Variants in LINGO2 observed in about 807,000 individuals in gnomAD.
LINGO2 encodes the protein leucine rich repeat and Ig domain containing 2.
In LINGO2, 14 loss-of-function variants were observed where a neutral mutation model predicts 30.6. The ratio of observed to expected loss-of-function variants is 0.46; its 90% CI spans 0.30 to 0.72. The LOEUF is 0.72. Among genes scored for constraint, LINGO2 ranks in the 30% least tolerant of loss-of-function variants. The probability of loss-of-function intolerance (pLI) is 0.07; values close to 1 mark genes in which losing one functional copy is unlikely to be tolerated. For synonymous variants in LINGO2, 317 were observed against 288.5 expected, an observed-to-expected ratio of 1.10 and a Z score of -1.00; for missense variants, 729 against 751.7, an observed-to-expected ratio of 0.97 and a Z score of 0.35.
At chr9:29,100,069 A>G in the LINGO2 span, among the ~76,000 whole-genome samples, 46 of 152,230 alleles carry the variant, frequency 3.0e-4, 1 homozygote, top group African/African-American at 1.1e-3. Context: ...AGATCCTGTC[A>G]TTTGCAACAA....
chr9:28,301,156 G>C (rs1824126166), intron 3 of LINGO2, among the ~76,000 whole-genome samples: 1 of 152,126 alleles, frequency 6.6e-6, no homozygotes, highest in African/African-American at 2.4e-5. Flanking sequence ...CAAATGGTGA[G>C]CTGGAGAAAG....
chr9:28,465,116 G>C lies in LINGO2; in HGVS notation c.-279+10824C>G, dbSNP rs1219162699. 3.3e-5 allele frequency among the ~76,000 whole-genome samples: 5 copies of C among 152,188 alleles called. No individual in the cohort carries two copies. In the East Asian group the frequency reaches 5.8e-4, roughly 18 times the overall value. ...GTTACAGTGTACTCTTTGTTTTGCT[G>C]TCTGTGGATGGCTTAAGTGTTAAAA... is the stretch of plus-strand genomic sequence containing the variant. On this transcript the variant is annotated intron_variant, in intron 2 of 5. Coordinates refer to ENST00000379992, the Ensembl canonical transcript of LINGO2.
At chr9:28,236,503 A>T (rs946900975) in intron 4 of LINGO2, among the ~76,000 whole-genome samples, 1 of 152,214 alleles carries the variant, frequency 6.6e-6, no homozygotes, top group African/African-American at 2.4e-5. Context: ...AAACAATCAA[A>T]AACAGTAACA....
chr9:28,393,498 A>G (rs1296674025), intron 2 of LINGO2, among the ~76,000 whole-genome samples: 2 of 152,230 alleles, frequency 1.3e-5, no homozygotes, highest in African/African-American at 4.8e-5. Flanking sequence ...TGCCAAATCA[A>G]TGAAAACTTC....
chr9:28,938,563 C>G, the LINGO2 span, among the ~76,000 whole-genome samples: 1 of 152,158 alleles, frequency 6.6e-6, no homozygotes, highest in Non-Finnish European at 1.5e-5. Context: ...CTAGTGACAT[C>G]ATAACCATCA....
At chr9:28,471,656 A>T (rs1178166875) in intron 2 of LINGO2, among the ~76,000 whole-genome samples, 1 of 152,210 alleles carries the variant, frequency 6.6e-6, no homozygotes. Flanking sequence ...AAAATCTCTG[A>T]TAATTATTAC....
the LINGO2 span, among the ~76,000 whole-genome samples, chr9:29,092,571 T>C: frequency 7.1e-6 from 1 of 141,674 alleles, no homozygotes; most frequent in Admixed American, 7.2e-5. Context: ...ATAGATTTAA[T>C]GCATTTTTCC....
chr9:28,620,786 T>C (rs935239978), intron 1 of LINGO2, among the ~76,000 whole-genome samples: 18 of 151,900 alleles, frequency 1.2e-4, no homozygotes, highest in African/African-American at 4.1e-4. Flanking sequence ...TGAGAACACA[T>C]AGATACACAA....
chr9:28,817,014 T>C, the LINGO2 span, among the ~76,000 whole-genome samples: 4 of 152,210 alleles, frequency 2.6e-5, no homozygotes, highest in African/African-American at 9.6e-5. Context: ...CATCTGTGGA[T>C]GTAGTAAAGT....
At chr9:28,119,075 A>T (rs1166689228) in intron 4 of LINGO2, among the ~76,000 whole-genome samples, 2 of 152,218 alleles carry the variant, frequency 1.3e-5, no homozygotes, top group Non-Finnish European at 2.9e-5. Context: ...ATGTGTTTTT[A>T]AAAAAGAAGC....
intron 1 of LINGO2, among the ~76,000 whole-genome samples, chr9:28,514,688 G>A (rs541932013): frequency 6.6e-6 from 1 of 152,180 alleles, no homozygotes; most frequent in South Asian, 2.1e-4. Context: ...TCTATGTAAC[G>A]TAAAAGTGCA....
chr9:28,165,147 C>CT (rs1341162237), intron 4 of LINGO2, among the ~76,000 whole-genome samples: 1 of 152,226 alleles, frequency 6.6e-6, no homozygotes, highest in African/African-American at 2.4e-5. Flanking sequence ...TTTTAGGACA[C>CT]TTTAAGTGCA....
the LINGO2 span, among the ~76,000 whole-genome samples, chr9:28,834,430 C>G: frequency 6.6e-6 from 1 of 152,110 alleles, no homozygotes; most frequent in Non-Finnish European, 1.5e-5. Flanking sequence ...GAATAATATA[C>G]AGAACTCCTT....
intron 4 of LINGO2, among the ~76,000 whole-genome samples, chr9:28,057,636 T>TATATACACATATATGTATATAAATATAA (rs1824999443): frequency 6.7e-6 from 1 of 148,430 alleles, no homozygotes; most frequent in Non-Finnish European, 1.5e-5. Flanking sequence ...TACACACATA[T>TATATACACATATATGTATATAAATATAA]ATAAACCTGT....
At chr9:28,582,652 T>G (rs932857892) in intron 1 of LINGO2, among the ~76,000 whole-genome samples, 2 of 152,068 alleles carry the variant, frequency 1.3e-5, no homozygotes, top group Non-Finnish European at 2.9e-5. Flanking sequence ...CTCCTGCTTC[T>G]GAAAATCCAT....
At chr9:28,339,376 G>A (rs1161524533) in intron 3 of LINGO2, among the ~76,000 whole-genome samples, 1 of 152,080 alleles carries the variant, frequency 6.6e-6, no homozygotes, top group Non-Finnish European at 1.5e-5. Context: ...GAAAATTGAA[G>A]CTTAGTTTCT....
intron 5 of LINGO2, among the ~76,000 whole-genome samples, chr9:28,004,482 G>A (rs1444085470): frequency 2.0e-5 from 3 of 152,136 alleles, no homozygotes; most frequent in Non-Finnish European, 2.9e-5. Context: ...GTACCTTCTT[G>A]ATAAATGTAA....
the LINGO2 span, among the ~76,000 whole-genome samples, chr9:28,836,709 A>C: frequency 1.3e-5 from 2 of 151,662 alleles, no homozygotes; most frequent in Non-Finnish European, 2.9e-5. Context: ...AGAGCTTAAT[A>C]CATCAGAACT....
intron 4 of LINGO2, among the ~76,000 whole-genome samples, chr9:28,030,152 G>T (rs1027784521): frequency 6.6e-6 from 1 of 152,150 alleles, no homozygotes; most frequent in African/African-American, 2.4e-5. Context: ...TTATAGGGAA[G>T]AATCAAACAC....
Sources: gnomAD v4.1 joint callset for allele counts (sites outside exome capture counted in the v4.1 genomes callset) on GRCh38, gnomAD v4.1.1 for gene constraint, MANE v1.5 for transcripts, NCBI Gene and HGNC (gene_info 2026-07-23, HGNC 2026-07-21) for gene names.